The following COL5A1 variants were observed in gnomAD, a reference collection of about 807,000 sequenced individuals.
COL5A1 encodes collagen type V alpha 1 chain.
A neutral mutation model predicts 263.7 loss-of-function variants in COL5A1; 16 were observed. The ratio of observed to expected loss-of-function variants is 0.06; its 90% CI spans 0.04 to 0.09. The LOEUF is 0.09. COL5A1 is among the 10% of genes least tolerant of loss of function. The pLI, the probability that COL5A1 is intolerant of heterozygous loss-of-function variation, is 1.00. For missense variants in COL5A1, 2,036 were observed against 2,540.5 expected (o/e 0.80, Z 4.27); for synonymous variants, 1,012 against 1,004.5 (o/e 1.01, Z -0.14).
chr9:134,810,251 C>T lies in COL5A1; in HGVS notation c.3475-4C>T. 1.2e-6 allele frequency: 2 copies of T among 1,614,112 alleles called. No individual in the cohort carries two copies. Among genetic ancestry groups the T allele is most frequent in the Non-Finnish European group, 1.7e-6 (2 of 1,179,946 alleles). ...CTAACCGAATCCCCCACACCTTCCCCTAGGGAGAGATCGGGGAGCCGGGGC... is the reference window on the plus strand; with the variant it reads ...CTAACCGAATCCCCCACACCTTCCCTTAGGGAGAGATCGGGGAGCCGGGGC... On this transcript the variant is annotated splice_region_variant and splice_polypyrimidine_tract_variant and intron_variant, in intron 43 of 65. Coordinates refer to ENST00000371817, the MANE Select transcript of COL5A1 (RefSeq NM_000093.5).
chr9:134,649,184 T>C (rs985454371), intron 1 of COL5A1, among the ~76,000 whole-genome samples: 1 of 152,114 alleles, frequency 6.6e-6, no homozygotes, highest in African/African-American at 2.4e-5. Flanking sequence ...ATGAATGAAT[T>C]GGTGGCTGGA....
In COL5A1 at chr9:134,681,300, C is replaced by T. The variant is rs1832849326; in HGVS notation, c.110-9612C>T. ...CAGGAAGGGAACTAGGAGGGACAGC[C>T]GCCCTTCCCCGGCTCTGCAGGGCCC... is the stretch of plus-strand genomic sequence containing the variant. On this transcript the variant is annotated intron_variant, in intron 1 of 65. Coordinates refer to ENST00000371817, the MANE Select transcript of COL5A1 (RefSeq NM_000093.5). The surrounding 1 kb of genome is among the most constrained non-coding windows in gnomAD (Gnocchi z 4.3). 1.3e-5 allele frequency among the ~76,000 whole-genome samples: 2 copies of T among 152,214 alleles called. No homozygotes were observed. The highest frequency in any genetic ancestry group is 2.4e-5 in the African/African-American group (1 of 41,460).
intron 37 of COL5A1, among the ~76,000 whole-genome samples, chr9:134,800,110 C>T (rs1838052895): frequency 6.6e-6 from 1 of 152,208 alleles, no homozygotes; most frequent in African/African-American, 2.4e-5. Flanking sequence ...AAATATGAAA[C>T]ACCAACGGTC....
intron 6 of COL5A1, 139 bp from the exon 7 acceptor site, chr9:134,730,097 G>T: frequency 1.5e-6 from 2 of 1,308,122 alleles, no homozygotes; most frequent in Non-Finnish European, 2.2e-6. Flanking sequence ...GCACCCAAGA[G>T]GTCTCTGGGC....
At chr9:134,830,628 A>C (rs567328874) in intron 64 of COL5A1, among the ~76,000 whole-genome samples, 4 of 152,352 alleles carry the variant, frequency 2.6e-5, no homozygotes, top group African/African-American at 9.6e-5. Context: ...CCAGCTGCTC[A>C]GGGCTGAGGG....
chr9:134,798,687 C>T (rs1381459503), intron 37 of COL5A1, among the ~76,000 whole-genome samples: 2 of 151,668 alleles, frequency 1.3e-5, no homozygotes, highest in African/African-American at 2.4e-5. Context: ...CGCCTTATGG[C>T]ATCTGTGGGC....
At chr9:134,833,898 G>T (rs541829415) in intron 64 of COL5A1, among the ~76,000 whole-genome samples, 1 of 152,312 alleles carries the variant, frequency 6.6e-6, no homozygotes, top group East Asian at 1.9e-4. Context: ...GAGGGACATC[G>T]GGAGGGCTGG....
At chr9:134,775,145 G>A (rs1213423955) in intron 27 of COL5A1, among the ~76,000 whole-genome samples, 1 of 152,272 alleles carries the variant, frequency 6.6e-6, no homozygotes, top group Non-Finnish European at 1.5e-5. Flanking sequence ...GCACAGGACA[G>A]TCTGCAGTCT....
chr9:134,810,248 C>T lies in COL5A1; in HGVS notation c.3475-7C>T. Reference sequence around the variant, plus strand: ...TTTCTAACCGAATCCCCCACACCTTCCCCTAGGGAGAGATCGGGGAGCCGG... The same window carrying T: ...TTTCTAACCGAATCCCCCACACCTTTCCCTAGGGAGAGATCGGGGAGCCGG... On this transcript the variant is annotated splice_region_variant and splice_polypyrimidine_tract_variant and intron_variant, in intron 43 of 65. Transcript: ENST00000371817. 1 of 1,614,112 alleles carries T rather than the reference C, an allele frequency of 6.2e-7. No individual in the cohort carries two copies. Among genetic ancestry groups the T allele is most frequent in the Non-Finnish European group, 8.5e-7 (1 of 1,179,942 alleles).
At chr9:134,768,793 T>A (rs1195246970) in intron 25 of COL5A1, among the ~76,000 whole-genome samples, 1 of 152,186 alleles carries the variant, frequency 6.6e-6, no homozygotes, top group Admixed American at 6.5e-5. Flanking sequence ...ATCGCTTGCG[T>A]CCCCAGGGTT....
Position 134,790,605 on chromosome 9 carries a change from C to CCCATCCATCCAT in COL5A1, c.2700+1431_2700+1442dup, listed in dbSNP as rs58733002. ...ATCCATCCATCTATCCATCCACCCA[C>CCCATCCATCCAT]CCATCCATCCATCCATCCATCCATC... On this transcript the variant is annotated intron_variant, in intron 32 of 65. Transcript: ENST00000371817. Among the ~76,000 whole-genome samples the CCCATCCATCCAT allele has an allele frequency of 4.6e-3, 391 of 84,542 alleles. 3 individuals are homozygous for CCCATCCATCCAT. Among genetic ancestry groups the CCCATCCATCCAT allele is most frequent in the Middle Eastern group, 7.6e-3 (1 of 132 alleles). 55.5% of individuals were successfully genotyped at this position (84,542 alleles called of 152,430 possible). A position where few individuals can be genotyped will look rare whatever the true frequency, so the allele number is the denominator to read the frequency against.
intron 9 of COL5A1, among the ~76,000 whole-genome samples, chr9:134,732,902 G>A (rs987448679): frequency 3.9e-5 from 6 of 152,180 alleles, no homozygotes; most frequent in African/African-American, 1.4e-4. Flanking sequence ...GAGCCACTAA[G>A]GTCTTGATGC....
rs565344029 is a variant in COL5A1, at chr9:134,842,394, A to C, written c.*91A>C. Reference sequence around the variant, plus strand: ...TCCCGTGCACGTCCTGACCCTGGACAGTGAAGGCTTCTCCCTCCCCTCCCA... The same window carrying C: ...TCCCGTGCACGTCCTGACCCTGGACCGTGAAGGCTTCTCCCTCCCCTCCCA... On this transcript the variant is annotated 3_prime_UTR_variant, in exon 66 of 66. Coordinates refer to ENST00000371817, the MANE Select transcript of COL5A1 (RefSeq NM_000093.5). The surrounding 1 kb of genome is among the most constrained non-coding windows in gnomAD (Gnocchi z 5.8). The C allele has an allele frequency of 5.4e-6, 8 of 1,469,642 alleles. No homozygotes were observed. The African/African-American group carries it at 5.5e-5, about 10-fold the overall frequency. The allele number at this position is 1,469,642 out of a possible 1,614,324, so 91.0% of individuals were successfully genotyped here.
intron 1 of COL5A1, among the ~76,000 whole-genome samples, chr9:134,668,626 TA>T (rs1456735422): frequency 1.3e-5 from 2 of 151,740 alleles, no homozygotes; most frequent in Non-Finnish European, 2.9e-5. Flanking sequence ...TATCCATGTA[TA>T]TACCAACCCA....
At chr9:134,796,957 TGTCCCCTCC>T (rs1564465208) in intron 36 of COL5A1, 56 bp downstream of exon 36, 3 of 1,426,202 alleles carry the variant, frequency 2.1e-6, no homozygotes, top group Non-Finnish European at 2.9e-6. Context: ...AAAACCCACC[TGTCCCCTCC>T]AAAACCCGCC....
intron 4 of COL5A1, among the ~76,000 whole-genome samples, chr9:134,703,855 G>A (rs1833756760): frequency 6.6e-6 from 1 of 151,880 alleles, no homozygotes; most frequent in Non-Finnish European, 1.5e-5. Flanking sequence ...TAGCCAGGAT[G>A]GTCTCGATCT....
chr9:134,689,594 G>T (rs1330210684), intron 1 of COL5A1, among the ~76,000 whole-genome samples: 1 of 152,188 alleles, frequency 6.6e-6, no homozygotes, highest in African/African-American at 2.4e-5. Context: ...GCAGCTCCAG[G>T]TTCCTGTTCT....
At chr9:134,777,871 C>T (rs1031341193) in intron 27 of COL5A1, among the ~76,000 whole-genome samples, 1 of 152,222 alleles carries the variant, frequency 6.6e-6, no homozygotes, top group African/African-American at 2.4e-5. Context: ...CTGGACATCA[C>T]CTTGCATTCA....
At chr9:134,778,410 G>A (rs1005371230) in intron 27 of COL5A1, among the ~76,000 whole-genome samples, 7 of 152,212 alleles carry the variant, frequency 4.6e-5, no homozygotes, top group African/African-American at 9.6e-5. Context: ...TTGGCTGGTC[G>A]TTCCCACTCA....
Sources: gnomAD v4.1 joint callset for allele counts (sites outside exome capture counted in the v4.1 genomes callset) on GRCh38, gnomAD v4.1.1 for gene constraint, Gnocchi (gnomAD v3.1) non-coding constraint, MANE v1.5 for transcripts, NCBI Gene and HGNC (gene_info 2026-07-23, HGNC 2026-07-21) for gene names.